CNTD1: variants seen among roughly 807,000 people sequenced by gnomAD.
CNTD1 encodes the protein cyclin N-terminal domain containing 1, also known as cyclin N-terminal domain-containing protein 1.
CNTD1 carries 17 observed loss-of-function variants against 36.3 expected under a neutral mutation model. The ratio of observed to expected loss-of-function variants is 0.47; its 90% CI spans 0.32 to 0.70. The LOEUF is 0.70. Ranked by LOEUF, CNTD1 falls within the 30% of genes least tolerant of loss-of-function variation. CNTD1 has a pLI of 0.03. For synonymous variants in CNTD1, 128 were observed against 153.3 expected (o/e 0.83, Z 1.22); for missense variants, 338 against 386.1 (o/e 0.88, Z 1.04).
intron 3 of CNTD1, among the ~76,000 whole-genome samples, chr17:42,804,868 CAA>C (rs2054853074): frequency 6.6e-6 from 1 of 152,070 alleles, no homozygotes; most frequent in Non-Finnish European, 1.5e-5. Flanking sequence ...TTAGGTGATA[CAA>C]CTCATGGAAA....
At chr17:42,808,644 G>C (rs1268924948) in intron 6 of CNTD1, among the ~76,000 whole-genome samples, 1 of 152,002 alleles carries the variant, frequency 6.6e-6, no homozygotes, top group African/African-American at 2.4e-5. Context: ...TGAGATGGGA[G>C]GATCACTTGA....
chr17:42,807,530 A>G (rs2054900636), intron 5 of CNTD1, among the ~76,000 whole-genome samples: 1 of 149,304 alleles, frequency 6.7e-6, no homozygotes, highest in South Asian at 2.1e-4. Flanking sequence ...TTAGGGAAAC[A>G]GATAGAACTA....
At position 42,810,921 on chromosome 17, in the gene CNTD1, C is replaced by T. The variant is rs1353698657; in HGVS notation, c.*1386C>T. The T allele has an allele frequency of 6.2e-7, 1 of 1,608,184 alleles. No individual in the cohort carries two copies. Among genetic ancestry groups the T allele is most frequent in the Non-Finnish European group, 8.5e-7 (1 of 1,177,464 alleles). ...GTGTCTTCAATCTTGCCTTTCTCCA[C>T]ATCCATCCTGCAGATGGACAGAGCA... On this transcript the variant is annotated 3_prime_UTR_variant, in exon 7 of 7. Coordinates refer to ENST00000588408, the MANE Select transcript of CNTD1 (RefSeq NM_173478.3).
intron 1 of CNTD1, among the ~76,000 whole-genome samples, chr17:42,800,904 C>T (rs757935857): frequency 1.4e-4 from 21 of 152,076 alleles, no homozygotes; most frequent in Non-Finnish European, 2.4e-4. Context: ...CACACAGACA[C>T]GGCCGGGCAC....
chr17:42,798,848 T>C, upstream of CNTD1: 1 of 1,441,466 alleles, frequency 6.9e-7, no homozygotes, highest in Non-Finnish European at 9.1e-7. Context: ...GCGGACGTGC[T>C]TTCTGATTGG....
intron 4 of CNTD1, 119 bp from the exon 5 acceptor site, chr17:42,806,555 A>C (rs2054882066): frequency 5.0e-6 from 5 of 997,610 alleles, no homozygotes; most frequent in Non-Finnish European, 7.6e-6. Flanking sequence ...GGTTTCTTGT[A>C]GTAGAACATA....
At chr17:42,801,917 T>C (rs2054802432) in intron 1 of CNTD1, among the ~76,000 whole-genome samples, 1 of 152,036 alleles carries the variant, frequency 6.6e-6, no homozygotes, top group Non-Finnish European at 1.5e-5. Context: ...AAAAGGATAA[T>C]GGTCAGAAGT....
chr17:42,799,354 C>T, intron 1 of CNTD1, 118 bp downstream of exon 1: 2 of 1,143,616 alleles, frequency 1.7e-6, no homozygotes, highest in Non-Finnish European at 2.4e-6. Context: ...TAACACCTCT[C>T]TGTGGGGTGC....
intron 1 of CNTD1, among the ~76,000 whole-genome samples, chr17:42,802,005 G>A (rs1423172835): frequency 1.3e-5 from 2 of 152,128 alleles, no homozygotes; most frequent in African/African-American, 2.4e-5. Context: ...CATATTTACT[G>A]TCCTCTGAGA....
At chr17:42,803,393 T>A (rs2054826032) in intron 1 of CNTD1, among the ~76,000 whole-genome samples, 1 of 152,230 alleles carries the variant, frequency 6.6e-6, no homozygotes, top group African/African-American at 2.4e-5. Context: ...CTGAGGGGGC[T>A]TGGTAAGCCC....
chr17:42,810,469 T>TA lies in CNTD1; in HGVS notation c.*942dup, dbSNP rs1042066751. 26 of 207,562 alleles carry TA rather than the reference T, an allele frequency of 1.3e-4. No individual in the cohort carries two copies. Among genetic ancestry groups the TA allele is most frequent in the South Asian group, 3.1e-4 (2 of 6,370 alleles). The allele number at this position is 207,562 out of a possible 1,614,324, so 12.9% of individuals were successfully genotyped here. On this transcript the variant is annotated 3_prime_UTR_variant, in exon 7 of 7. Coordinates refer to ENST00000588408, the MANE Select transcript of CNTD1 (RefSeq NM_173478.3). Reference sequence around the variant, plus strand: ...CACATCAATCTCAATTCAACTCAGTTAAAAAAAAGAAAAGCAAATTTAAAT... The same window carrying TA: ...CACATCAATCTCAATTCAACTCAGTTAAAAAAAAAGAAAAGCAAATTTAAAT...
At chr17:42,800,203 G>C (rs189725662) in intron 1 of CNTD1, among the ~76,000 whole-genome samples, 1 of 151,976 alleles carries the variant, frequency 6.6e-6, no homozygotes, top group Non-Finnish European at 1.5e-5. Flanking sequence ...GATAAGAGAC[G>C]TCAGAGAGAA....
At position 42,799,752 on chromosome 17, in the gene CNTD1, C is replaced by CAAAAAAAA. The variant is rs780393099; in HGVS notation, c.169+540_169+547dup. Among the ~76,000 whole-genome samples, 6 of 10,592 alleles carry CAAAAAAAA rather than the reference C, an allele frequency of 5.7e-4. 1 individual carries two copies. The highest frequency in any genetic ancestry group is 1.8e-3 in the Admixed American group (1 of 570). The allele number at this position is 10,592 out of a possible 152,430, so 6.9% of individuals were successfully genotyped here. A position where few individuals can be genotyped will look rare whatever the true frequency, so the allele number is the denominator to read the frequency against. ...AGACGACAAGAATGAAACTCCGTCT[C>CAAAAAAAA]AAAAAAAAAAAAAAAAAAAAAAAAA... On this transcript the variant is annotated intron_variant, in intron 1 of 6. Transcript: ENST00000588408.
At chr17:42,805,107 C>T (rs78127604) in intron 3 of CNTD1, among the ~76,000 whole-genome samples, 3,027 of 152,194 alleles carry the variant, frequency 0.02, 91 homozygotes, top group African/African-American at 0.068. Flanking sequence ...GCATACCTAT[C>T]AACAGTAGAA....
intron 6 of CNTD1, among the ~76,000 whole-genome samples, chr17:42,808,277 A>T (rs1290958572): frequency 6.6e-6 from 1 of 152,018 alleles, no homozygotes; most frequent in Admixed American, 6.6e-5. Flanking sequence ...GGCTGGGCGC[A>T]GTGGCTCACA....
chr17:42,800,118 A>G (rs1790758349), intron 1 of CNTD1, among the ~76,000 whole-genome samples: 1 of 151,432 alleles, frequency 6.6e-6, no homozygotes, highest in South Asian at 2.1e-4. Context: ...ATAGAGATAG[A>G]GGTCTTGCCT....
Position 42,806,831 on chromosome 17 carries a change from C to T in CNTD1, c.725+13C>T. On this transcript the variant is annotated intron_variant, in intron 5 of 6. Coordinates refer to ENST00000588408, the MANE Select transcript of CNTD1 (RefSeq NM_173478.3). Reference sequence around the variant, plus strand: ...GTCAGCTGCAAGGGTAAGACAACTCCTATAGGGTAGGCTCCTTCCAGGAAC... The same window carrying T: ...GTCAGCTGCAAGGGTAAGACAACTCTTATAGGGTAGGCTCCTTCCAGGAAC... The T allele has an allele frequency of 6.2e-7, 1 of 1,613,676 alleles. No individual in the cohort carries two copies. Among genetic ancestry groups the T allele is most frequent in the Non-Finnish European group, 8.5e-7 (1 of 1,179,726 alleles).
At chr17:42,803,493 G>A (rs2054827739) in intron 1 of CNTD1, 127 bp from the exon 2 acceptor site, 2 of 688,368 alleles carry the variant, frequency 2.9e-6, no homozygotes, top group Non-Finnish European at 5.1e-6. Flanking sequence ...GGTTGTTTTA[G>A]TCTCATCTTT....
At chr17:42,801,510 A>AAAAATATATATAT (rs1289580717) in intron 1 of CNTD1, among the ~76,000 whole-genome samples, 2 of 54,356 alleles carry the variant, frequency 3.7e-5, no homozygotes, top group Non-Finnish European at 5.9e-5. Flanking sequence ...AAAAAAAAAA[A>AAAAATATATATAT]ATATATATAT....
Sources: allele counts gnomAD v4.1 joint callset (sites outside exome capture counted in the v4.1 genomes callset), GRCh38; gene constraint gnomAD v4.1.1; transcripts MANE v1.5; gene names NCBI Gene and HGNC (gene_info 2026-07-23, HGNC 2026-07-21).